The following HDAC8 variants were observed in gnomAD, a reference collection of about 807,000 sequenced individuals.
HDAC8 encodes histone deacetylase-like 1.
HDAC8 carries 1 observed loss-of-function variant against 32.2 expected under a neutral mutation model. That is an observed-to-expected ratio of 0.03 (90% CI 0.01 to 0.15). The LOEUF is 0.15. Ranked by LOEUF, HDAC8 falls within the 10% of genes least tolerant of loss-of-function variation. The probability of loss-of-function intolerance (pLI) is 1.00; values close to 1 mark genes in which losing one functional copy is unlikely to be tolerated. For missense variants in HDAC8, 117 were observed against 300.0 expected (o/e 0.39, Z 4.51); for synonymous variants, 108 against 113.9 (o/e 0.95, Z 0.33).
Position 72,351,744 on chromosome X carries a change from T to C in HDAC8, c.1100A>G (p.Asn367Ser). 1 of 1,205,659 alleles carries C rather than the reference T, an allele frequency of 8.3e-7. No homozygotes were observed. Among genetic ancestry groups the C allele is most frequent in the Non-Finnish European group, 1.1e-6 (1 of 889,862 alleles). Reference protein sequence around the residue: ...NEPHRIQQILNYIKGNLKHVV With the variant: ...NEPHRIQQILSYIKGNLKHVV ...GGGGCGGTGCTCACCTTTGATGTAG[T>C]TGAGGATTTGTTGGATTCGGTGGGG... is the stretch of plus-strand genomic sequence containing the variant. The change falls in exon 10 of 11, where the codon AAC becomes AGC. Residue 367 changes from asparagine to serine, a missense_variant. Asn to Ser is a conservative substitution (Grantham distance 46). Transcript: ENST00000373573.
chrX:72,536,972 C>G (rs2050549561), intron 4 of HDAC8, among the ~76,000 whole-genome samples: 2 of 112,017 alleles, frequency 1.8e-5, no homozygotes, highest in Admixed American at 9.4e-5. Flanking sequence ...GCTGTTTCTT[C>G]AAAACTGGGA....
In HDAC8 at chrX:72,333,848, G is replaced by A. The variant is rs190142151; in HGVS notation, c.1112-3772C>T. Among the ~76,000 whole-genome samples, 338 of 111,448 alleles carry A rather than the reference G, an allele frequency of 3.0e-3. 4 individuals carry two copies. The Admixed American group carries it at 0.031, about 10-fold the overall frequency. Reference sequence around the variant, plus strand: ...CTGAGGACAACCTACAGGGGACACTGGTGTGAAGTGAGAGTCCTTCCATCT... The same window carrying A: ...CTGAGGACAACCTACAGGGGACACTAGTGTGAAGTGAGAGTCCTTCCATCT... On this transcript the variant is annotated intron_variant, in intron 10 of 10. Transcript: ENST00000373573.
chrX:72,352,864 A>G (rs1213138384), intron 9 of HDAC8, among the ~76,000 whole-genome samples: 2 of 111,745 alleles, frequency 1.8e-5, no homozygotes, highest in African/African-American at 6.5e-5. Flanking sequence ...TTCAATTGGG[A>G]TAAGTCTTTG....
intron 4 of HDAC8, 170 bp downstream of exon 4, chrX:72,567,719 A>G (rs782220913): frequency 2.5e-6 from 3 of 1,206,549 alleles, no homozygotes; most frequent in Middle Eastern, 2.8e-4. Flanking sequence ...GCTTTCCACT[A>G]TATTAGGTAA....
At chrX:72,382,935 T>A (rs1319958284) in intron 9 of HDAC8, among the ~76,000 whole-genome samples, 1 of 112,212 alleles carries the variant, frequency 8.9e-6, no homozygotes, top group Non-Finnish European at 1.9e-5. Flanking sequence ...AGTTATTAGA[T>A]GATTTTTCCC....
intron 9 of HDAC8, among the ~76,000 whole-genome samples, chrX:72,444,475 A>G (rs2047303588): frequency 9.0e-6 from 1 of 111,093 alleles, no homozygotes; most frequent in African/African-American, 3.3e-5. Flanking sequence ...GGCCTTTGAC[A>G]TAATTCAACA....
chrX:72,463,591 CT>C (rs1490110077), intron 8 of HDAC8, among the ~76,000 whole-genome samples: 14 of 111,912 alleles, frequency 1.3e-4, no homozygotes, highest in African/African-American at 3.2e-4. Context: ...TCAATTTTAT[CT>C]TTTTCTTCAG....
At chrX:72,455,720 T>C (rs782297948) in intron 9 of HDAC8, among the ~76,000 whole-genome samples, 5 of 112,153 alleles carry the variant, frequency 4.5e-5, no homozygotes, top group Non-Finnish European at 9.4e-5. Flanking sequence ...AAGCTTTTTT[T>C]CCAGTGAGAT....
At chrX:72,525,152 A>G (rs1263032971) in intron 4 of HDAC8, among the ~76,000 whole-genome samples, 8 of 112,241 alleles carry the variant, frequency 7.1e-5, no homozygotes, top group Non-Finnish European at 1.3e-4. Context: ...CCTGCATTAT[A>G]CCTATATCTA....
In HDAC8 at chrX:72,462,058, G is replaced by A. The variant is rs1555991936; in HGVS notation, c.951C>T (p.Tyr317=). Residue 317 remains tyrosine, a synonymous_variant, in exon 9 of 11, where the codon TAC becomes TAT. Transcript: ENST00000373573. ...NLANTARCWT[Y]LTGVILGKTL... Reference sequence around the variant, plus strand: ...TTTTCCCTAGGATGACCCCGGTCAAGTATGTCCAGCATCGAGCCGTGTTGG... The same window carrying A: ...TTTTCCCTAGGATGACCCCGGTCAAATATGTCCAGCATCGAGCCGTGTTGG... The A allele has an allele frequency of 2.5e-6, 3 of 1,210,313 alleles. No homozygotes were observed. Among genetic ancestry groups the A allele is most frequent in the South Asian group, 1.8e-5 (1 of 56,891 alleles).
intron 9 of HDAC8, among the ~76,000 whole-genome samples, chrX:72,379,153 C>T (rs919034657): frequency 5.4e-5 from 6 of 111,190 alleles, no homozygotes; most frequent in Admixed American, 1.9e-4. Context: ...CCACTATGCC[C>T]GGCCACCATT....
Position 72,422,523 on chromosome X carries a change from G to A in HDAC8, c.1005+39481C>T, listed in dbSNP as rs146225024. On this transcript the variant is annotated intron_variant, in intron 9 of 10. Transcript: ENST00000373573. ...TAAAACACCTCTCCCAGTCTTTAAGGTCCTCTCAAGTCTTTCCTGAACATG... is the reference window on the plus strand; with the variant it reads ...TAAAACACCTCTCCCAGTCTTTAAGATCCTCTCAAGTCTTTCCTGAACATG... Among the ~76,000 whole-genome samples the A allele has an allele frequency of 4.3e-3, 478 of 110,998 alleles. 3 individuals carry two copies. The highest frequency in any genetic ancestry group is 0.035 in the South Asian group (92 of 2,612).
At chrX:72,376,273 A>G (rs1341134310) in intron 9 of HDAC8, among the ~76,000 whole-genome samples, 6 of 111,671 alleles carry the variant, frequency 5.4e-5, no homozygotes, top group African/African-American at 2.0e-4. Context: ...CCTGATTTTC[A>G]TAATTTGAGA....
intron 6 of HDAC8, among the ~76,000 whole-genome samples, chrX:72,490,175 C>T (rs1242982202): frequency 2.7e-5 from 3 of 109,878 alleles, no homozygotes; most frequent in Admixed American, 9.7e-5. Context: ...CTAGATCAAC[C>T]CTTGTGGAAG....
At chrX:72,390,737 AAACAAGATTCCCTGATGGGAATTT>A (rs1378347658) in intron 9 of HDAC8, among the ~76,000 whole-genome samples, 2 of 111,834 alleles carry the variant, frequency 1.8e-5, no homozygotes, top group Non-Finnish European at 1.9e-5. Flanking sequence ...AGTCACAATG[AAACAAGATTCCCTGATGGGAATTT>A]TCCCAAAGAC....
intron 2 of HDAC8, among the ~76,000 whole-genome samples, chrX:72,571,795 C>G (rs961481526): frequency 2.7e-4 from 30 of 109,624 alleles, no homozygotes; most frequent in African/African-American, 1.0e-3. Context: ...TCTCAAATTA[C>G]TGACCTCAGG....
intron 9 of HDAC8, among the ~76,000 whole-genome samples, chrX:72,411,026 C>CT (rs1443282718): frequency 6.1e-5 from 1 of 16,369 alleles, no homozygotes; most frequent in Non-Finnish European, 9.3e-5. Context: ...CCTTTTCTTT[C>CT]TTTCTTTTTT....
At chrX:72,379,779 A>C (rs911718196) in intron 9 of HDAC8, among the ~76,000 whole-genome samples, 1 of 110,706 alleles carries the variant, frequency 9.0e-6, no homozygotes, top group Non-Finnish European at 1.9e-5. Context: ...TGGGATTACA[A>C]CCATGAGCCA....
At chrX:72,392,638 A>G (rs2045642525) in intron 9 of HDAC8, among the ~76,000 whole-genome samples, 1 of 112,301 alleles carries the variant, frequency 8.9e-6, no homozygotes, top group Non-Finnish European at 1.9e-5. Flanking sequence ...ATGAGTAAAC[A>G]TTATTTATAT....
Sources: allele counts gnomAD v4.1 joint callset (sites outside exome capture counted in the v4.1 genomes callset), GRCh38; gene constraint gnomAD v4.1.1; transcripts MANE v1.5; gene names NCBI Gene and HGNC (gene_info 2026-07-23, HGNC 2026-07-21).